The following GALNT13 variants were observed in gnomAD, a reference collection of about 807,000 sequenced individuals.
The protein encoded by GALNT13 is UDP-GalNAc:polypeptide N-acetylgalactosaminyltransferase 13.
Under a neutral mutation model 64.2 loss-of-function variants are expected in GALNT13, and 28 were observed. That is an observed-to-expected ratio of 0.44 (90% CI 0.32 to 0.60). The LOEUF is 0.60. Ranked by LOEUF, GALNT13 falls within the 20% of genes least tolerant of loss-of-function variation. The probability of loss-of-function intolerance (pLI) is 0.05; values close to 1 mark genes in which losing one functional copy is unlikely to be tolerated. For synonymous variants in GALNT13, 214 were observed against 224.6 expected, an observed-to-expected ratio of 0.95 and a Z score of 0.42; for missense variants, 577 against 669.8, an observed-to-expected ratio of 0.86 and a Z score of 1.53.
At chr2:153,891,037 A>G in intron 1 of GALNT13, among the ~76,000 whole-genome samples, 1 of 151,994 alleles carries the variant, frequency 6.6e-6, no homozygotes, top group Non-Finnish European at 1.5e-5. Flanking sequence ...TCTTTCTTCT[A>G]CCTAAACTAT....
the GALNT13 span, among the ~76,000 whole-genome samples, chr2:153,738,326 A>AT: frequency 6.6e-6 from 1 of 151,954 alleles, no homozygotes; most frequent in Admixed American, 6.6e-5. Context: ...CGTGCTCCCC[A>AT]TGTCCCAACA....
intron 9 of GALNT13, among the ~76,000 whole-genome samples, chr2:154,361,250 C>A (rs979545321): frequency 6.6e-6 from 1 of 151,982 alleles, no homozygotes; most frequent in South Asian, 2.1e-4. Context: ...ATGATGTATC[C>A]ATATACGGTT....
the GALNT13 span, among the ~76,000 whole-genome samples, chr2:153,349,353 C>T: frequency 7.2e-5 from 11 of 152,292 alleles, no homozygotes; most frequent in African/African-American, 2.2e-4. Context: ...GATGCAATCA[C>T]TCAACTTTAT....
chr2:153,604,223 T>G, the GALNT13 span, among the ~76,000 whole-genome samples: 1 of 152,092 alleles, frequency 6.6e-6, no homozygotes, highest in Non-Finnish European at 1.5e-5. Flanking sequence ...CACAACATTT[T>G]GGTTGATACC....
chr2:154,265,022 T>G (rs1690914510), intron 8 of GALNT13, among the ~76,000 whole-genome samples: 1 of 151,266 alleles, frequency 6.6e-6, no homozygotes, highest in African/African-American at 2.4e-5. Flanking sequence ...TTTGTTTCCT[T>G]GAGATCAATA....
the GALNT13 span, among the ~76,000 whole-genome samples, chr2:153,412,428 G>T: frequency 6.6e-6 from 1 of 152,164 alleles, no homozygotes; most frequent in Non-Finnish European, 1.5e-5. Flanking sequence ...TCATAAGTGA[G>T]AATTTCATAT....
At chr2:153,233,041 A>AACCG in the GALNT13 span, among the ~76,000 whole-genome samples, 5 of 152,218 alleles carry the variant, frequency 3.3e-5, no homozygotes, top group Non-Finnish European at 7.3e-5. Context: ...AGAAATTAGA[A>AACCG]ACCGTGGCTC....
chr2:153,420,881 C>A, the GALNT13 span: 1 of 240,242 alleles, frequency 4.2e-6, no homozygotes, highest in South Asian at 5.9e-5. Context: ...TGGTGTTGCT[C>A]AGCATGCACG....
At chr2:154,161,505 G>A (rs1684720836) in intron 4 of GALNT13, among the ~76,000 whole-genome samples, 1 of 152,106 alleles carries the variant, frequency 6.6e-6, no homozygotes, top group Non-Finnish European at 1.5e-5. Context: ...GACAGATGGT[G>A]TGGACTTCAA....
intron 4 of GALNT13, among the ~76,000 whole-genome samples, chr2:154,155,289 G>A (rs1267114819): frequency 6.6e-6 from 1 of 152,012 alleles, no homozygotes; most frequent in African/African-American, 2.4e-5. Flanking sequence ...TTGAAAGTCA[G>A]TCTTTGTGGT....
the GALNT13 span, among the ~76,000 whole-genome samples, chr2:153,377,402 G>C: frequency 2.0e-5 from 3 of 151,582 alleles, no homozygotes; most frequent in South Asian, 2.1e-4. Context: ...GTGGTGCTAG[G>C]GGGTGGGGCC....
the GALNT13 span, among the ~76,000 whole-genome samples, chr2:153,828,536 G>A: frequency 1.3e-5 from 2 of 152,020 alleles, no homozygotes; most frequent in Non-Finnish European, 2.9e-5. Context: ...GAGTGGCTGG[G>A]ACACGGGGTA....
the GALNT13 span, among the ~76,000 whole-genome samples, chr2:153,161,768 C>T: frequency 6.6e-6 from 1 of 152,104 alleles, no homozygotes; most frequent in Admixed American, 6.6e-5. Context: ...GTCTTGTAAG[C>T]CATAATAAGA....
intron 3 of GALNT13, among the ~76,000 whole-genome samples, chr2:154,135,476 A>C (rs1023884344): frequency 6.6e-6 from 1 of 152,202 alleles, no homozygotes; most frequent in East Asian, 1.9e-4. Context: ...CAGATGTGTC[A>C]GATTTATAAA....
intron 10 of GALNT13, among the ~76,000 whole-genome samples, chr2:154,406,395 A>C (rs867946205): frequency 1.3e-5 from 2 of 152,100 alleles, no homozygotes; most frequent in Non-Finnish European, 2.9e-5. Context: ...TACCATGCCT[A>C]TGCTAAAACT....
At chr2:153,936,970 G>A (rs1422434384) in intron 2 of GALNT13, among the ~76,000 whole-genome samples, 3 of 152,058 alleles carry the variant, frequency 2.0e-5, no homozygotes, top group Admixed American at 2.0e-4. Context: ...GCCCACCTTG[G>A]CCTCCCAAAG....
At chr2:154,372,222 A>AT (rs1387215849) in intron 9 of GALNT13, among the ~76,000 whole-genome samples, 1 of 152,116 alleles carries the variant, frequency 6.6e-6, no homozygotes, top group Non-Finnish European at 1.5e-5. Context: ...AATCCACCAA[A>AT]TTGAGTGAGA....
chr2:153,257,107 C>T, the GALNT13 span, among the ~76,000 whole-genome samples: 1 of 152,228 alleles, frequency 6.6e-6, no homozygotes, highest in Non-Finnish European at 1.5e-5. Flanking sequence ...CAGTGAGACT[C>T]CCTGGGCGTA....
the GALNT13 span, among the ~76,000 whole-genome samples, chr2:153,110,137 T>C: frequency 6.6e-6 from 1 of 152,162 alleles, no homozygotes; most frequent in Non-Finnish European, 1.5e-5. Flanking sequence ...TTGATGAAAC[T>C]AAATCATTCC....
Sources: gnomAD v4.1 joint callset for allele counts (sites outside exome capture counted in the v4.1 genomes callset) on GRCh38, gnomAD v4.1.1 for gene constraint, MANE v1.5 for transcripts, NCBI Gene and HGNC (gene_info 2026-07-23, HGNC 2026-07-21) for gene names.